The following ANXA11 variants were observed in gnomAD, a reference collection of about 807,000 sequenced individuals.
ANXA11 encodes annexin A11, also known as 56 kDa autoantigen.
ANXA11 carries 57 observed loss-of-function variants against 64.7 expected under a neutral mutation model. That is an observed-to-expected ratio of 0.88 (90% confidence interval 0.71 to 1.10). The LOEUF is 1.10. ANXA11 is among the 50% of genes least tolerant of loss of function. The pLI is 0.00. For synonymous variants in ANXA11, 260 were observed against 265.2 expected, an observed-to-expected ratio of 0.98 and a Z score of 0.19; for missense variants, 675 against 670.7, an observed-to-expected ratio of 1.01 and a Z score of -0.07.
intron 12 of ANXA11, among the ~76,000 whole-genome samples, 169 bp from the exon 13 acceptor site, chr10:80,159,364 C>G (rs961473750): frequency 5.9e-5 from 9 of 152,176 alleles, no homozygotes; most frequent in African/African-American, 1.9e-4. Flanking sequence ...TAATCCAATT[C>G]GCCTGGTCTC....
intron 14 of ANXA11, 98 bp from the exon 15 acceptor site, chr10:80,157,861 T>TACCCTAC: frequency 6.3e-7 from 1 of 1,588,178 alleles, no homozygotes; most frequent in Non-Finnish European, 8.6e-7. Context: ...TCCTCGGAAC[T>TACCCTAC]CTCAGCTGAG....
At chr10:80,167,447 A>C in intron 5 of ANXA11, 134 bp from the exon 6 acceptor site, 2 of 722,242 alleles carry the variant, frequency 2.8e-6, no homozygotes, top group South Asian at 3.4e-5. Flanking sequence ...CACAGTCAAC[A>C]ATGCAGAGGA....
intron 1 of ANXA11, among the ~76,000 whole-genome samples, chr10:80,185,628 G>A (rs188119110): frequency 1.8e-3 from 271 of 152,306 alleles, no homozygotes; most frequent in Non-Finnish European, 2.0e-3. Context: ...CTTACTATGT[G>A]CCAGGCACTG....
Position 80,170,924 on chromosome 10 carries a change from A to G in ANXA11, c.56-9T>C. On this transcript the variant is annotated splice_polypyrimidine_tract_variant and intron_variant, in intron 3 of 15. Coordinates refer to ENST00000422982, the MANE Select transcript of ANXA11 (RefSeq NM_145868.2). Reference sequence around the variant, plus strand: ...TCCCCAGGGACCACCACCTGAAAGCAACACCAAGCCCTTTAGCCCCCTGCC... The same window carrying G: ...TCCCCAGGGACCACCACCTGAAAGCGACACCAAGCCCTTTAGCCCCCTGCC... 6.3e-7 allele frequency: 1 copy of G among 1,588,664 alleles called. No individual in the cohort carries two copies. The highest frequency in any genetic ancestry group is 8.6e-7 in the Non-Finnish European group (1 of 1,167,724).
At chr10:80,191,544 C>T (rs1308836146) in intron 1 of ANXA11, among the ~76,000 whole-genome samples, 2 of 152,194 alleles carry the variant, frequency 1.3e-5, no homozygotes, top group African/African-American at 2.4e-5. Context: ...GTCTACCTAA[C>T]TCAGCCAGCT....
intron 11 of ANXA11, 85 bp from the exon 12 acceptor site, chr10:80,162,113 T>G: frequency 8.4e-7 from 1 of 1,184,948 alleles, no homozygotes; most frequent in South Asian, 1.3e-5. Flanking sequence ...GGTAAACTTC[T>G]GAAGGTTTGA....
rs34704342 is a variant in ANXA11 at position 80,190,484 on chromosome 10, A to ATTTT, written c.-57-14333_-57-14330dup. Among the ~76,000 whole-genome samples, 119 of 127,480 alleles carry ATTTT rather than the reference A, an allele frequency of 9.3e-4. 1 individual carries two copies. Among genetic ancestry groups the ATTTT allele is most frequent in the African/African-American group, 1.1e-3 (37 of 32,698 alleles). 83.6% of individuals were successfully genotyped at this position (127,480 alleles called of 152,430 possible). A position where few individuals can be genotyped will look rare whatever the true frequency, so the allele number is the denominator to read the frequency against. On this transcript the variant is annotated intron_variant, in intron 1 of 15. Coordinates refer to ENST00000422982, the MANE Select transcript of ANXA11 (RefSeq NM_145868.2). ...AATTATAAATGTTAATTTACAATAA[A>ATTTT]TTTTTTTTTTTTTTTTTTTGAGACG...
chr10:80,168,982 A>G lies in ANXA11; in HGVS notation c.548T>C (p.Val183Ala), dbSNP rs1019073776. The G allele has an allele frequency of 7.8e-6, 12 of 1,535,264 alleles. No individual in the cohort carries two copies. Among genetic ancestry groups the G allele is most frequent in the Middle Eastern group, 1.9e-4 (1 of 5,356 alleles). The change falls in exon 5 of 16, where the codon GTG (valine) becomes GCG (alanine). Residue 183 changes from valine (V) to alanine (A), a missense_variant. Val to Ala is a moderately conservative substitution (Grantham distance 64, BLOSUM62 0). Coordinates refer to ENST00000422982, the MANE Select transcript of ANXA11 (RefSeq NM_145868.2). Reference protein sequence around the residue: ...YPGSGTVTPAVPPTQFGSRGT... With the variant: ...YPGSGTVTPAAPPTQFGSRGT... ...GCTGACACTCACCTGGGTTGGGGGC[A>G]CAGCGGGGGTGACAGTCCCAGACCC...
chr10:80,161,523 A>T (rs1245204647), intron 12 of ANXA11, among the ~76,000 whole-genome samples: 1 of 152,146 alleles, frequency 6.6e-6, no homozygotes. Context: ...CCGTGGCCCC[A>T]CACCTGCTCC....
chr10:80,163,732 C>T, intron 9 of ANXA11, 119 bp from the exon 10 acceptor site: 2 of 945,818 alleles, frequency 2.1e-6, no homozygotes, highest in Non-Finnish European at 3.3e-6. Flanking sequence ...GGCTCGGGCT[C>T]AAGAGAACAA....
chr10:80,192,594 T>C (rs1846822430), intron 1 of ANXA11, among the ~76,000 whole-genome samples: 1 of 152,100 alleles, frequency 6.6e-6, no homozygotes. Flanking sequence ...AAAGCAATCA[T>C]TGTGAAATTT....
intron 15 of ANXA11, 127 bp downstream of exon 15, chr10:80,157,514 C>T (rs1845320490): frequency 1.0e-5 from 15 of 1,491,280 alleles, no homozygotes; most frequent in South Asian, 5.6e-5. Flanking sequence ...TGAACAAGTC[C>T]GAGGTCCATA....
intron 12 of ANXA11, among the ~76,000 whole-genome samples, chr10:80,159,941 A>G (rs994550734): frequency 2.0e-5 from 3 of 152,136 alleles, no homozygotes; most frequent in Non-Finnish European, 4.4e-5. Context: ...AGCCTGCCCC[A>G]GCCAGCCTGG....
At position 80,157,779 on chromosome 10, in the gene ANXA11, C is replaced by A; in HGVS notation, c.1336-16G>T. The A allele has an allele frequency of 1.2e-6, 2 of 1,608,840 alleles. No homozygotes were observed. The highest frequency in any genetic ancestry group is 1.7e-6 in the Non-Finnish European group (2 of 1,176,510). Reference sequence around the variant, plus strand: ...TTCCTGCCCCCTAAAGAGAGTCCACCCAAGAGCATGAGCACCAGGCCTCCT... The same window carrying A: ...TTCCTGCCCCCTAAAGAGAGTCCACACAAGAGCATGAGCACCAGGCCTCCT... On this transcript the variant is annotated splice_polypyrimidine_tract_variant and intron_variant, in intron 14 of 15. Coordinates refer to ENST00000422982, the MANE Select transcript of ANXA11 (RefSeq NM_145868.2).
intron 1 of ANXA11, among the ~76,000 whole-genome samples, chr10:80,198,837 C>T (rs1303516386): frequency 6.6e-6 from 1 of 151,812 alleles, no homozygotes; most frequent in African/African-American, 2.4e-5. Context: ...GGGAAGATGA[C>T]GATGAGAAAC....
intron 4 of ANXA11, among the ~76,000 whole-genome samples, chr10:80,170,131 C>T (rs531276501): frequency 5.3e-4 from 81 of 152,148 alleles, no homozygotes; most frequent in Non-Finnish European, 7.9e-4. Flanking sequence ...AACATCACAT[C>T]GTTGACTTAA....
chr10:80,183,197 A>G (rs1234878389), intron 1 of ANXA11, among the ~76,000 whole-genome samples: 1 of 152,314 alleles, frequency 6.6e-6, no homozygotes, highest in East Asian at 1.9e-4. Flanking sequence ...AGCAAGGTGC[A>G]GACAAGGGCC....
chr10:80,167,117 C>T, intron 6 of ANXA11, 109 bp downstream of exon 6: 1 of 1,305,878 alleles, frequency 7.7e-7, no homozygotes, highest in Non-Finnish European at 1.1e-6. Flanking sequence ...TCTATCACCA[C>T]TGGGGCCAGG....
Position 80,179,062 on chromosome 10 carries a change from G to A in ANXA11, c.-57-2907C>T, listed in dbSNP as rs79210862. On this transcript the variant is annotated intron_variant, in intron 1 of 15. Coordinates refer to ENST00000422982, the MANE Select transcript of ANXA11 (RefSeq NM_145868.2). ...TGTAATTTCTAATTACAATACAATCGAATTGTAATTCCCAGCATTGGAGGT... is the reference window on the plus strand; with the variant it reads ...TGTAATTTCTAATTACAATACAATCAAATTGTAATTCCCAGCATTGGAGGT... 1.1e-4 allele frequency among the ~76,000 whole-genome samples: 17 copies of A among 152,250 alleles called. No homozygotes were observed. In the East Asian group the frequency reaches 2.9e-3, roughly 26 times the overall value.
Sources: allele counts gnomAD v4.1 joint callset (sites outside exome capture counted in the v4.1 genomes callset), GRCh38; gene constraint gnomAD v4.1.1; transcripts MANE v1.5; gene names NCBI Gene and HGNC (gene_info 2026-07-23, HGNC 2026-07-21).